Variants in GRK5 observed in about 807,000 individuals in gnomAD.
GRK5 encodes the protein g protein-coupled receptor kinase GRK5.
GRK5 carries 40 observed loss-of-function variants against 78.4 expected under a neutral mutation model. The ratio of observed to expected loss-of-function variants is 0.51; its 90% CI spans 0.40 to 0.66. The LOEUF (loss-of-function observed/expected upper bound fraction) is 0.66, where lower values mean the gene tolerates loss of function less well. Ranked by LOEUF, GRK5 falls within the 30% of genes least tolerant of loss-of-function variation. GRK5 has a pLI of 0.00. For missense variants in GRK5, 598 were observed against 759.9 expected (o/e 0.79, Z 2.50); for synonymous variants, 289 against 296.8 (o/e 0.97, Z 0.27).
chr10:119,317,336 T>TTC (rs1363439878), intron 1 of GRK5, among the ~76,000 whole-genome samples: 1 of 143,598 alleles, frequency 7.0e-6, no homozygotes, highest in Non-Finnish European at 1.5e-5. Context: ...CAAAGAGGCA[T>TTC]TCAGTAGATG....
Position 119,271,170 on chromosome 10 carries a change from T to A in GRK5, c.53-55346T>A, listed in dbSNP as rs1849577549. On this transcript the variant is annotated intron_variant, in intron 1 of 15. Coordinates refer to ENST00000392870, the MANE Select transcript of GRK5 (RefSeq NM_005308.3). The surrounding 1 kb of genome is among the most constrained non-coding windows in gnomAD (Gnocchi z 4.1). ...GGCGCCGGCGCCGTTAGGGAGGGAGTGTTCACCGGAAACCTGCCCGGGCCA... is the reference window on the plus strand; with the variant it reads ...GGCGCCGGCGCCGTTAGGGAGGGAGAGTTCACCGGAAACCTGCCCGGGCCA... Among the ~76,000 whole-genome samples the A allele has an allele frequency of 6.6e-6, 1 of 151,676 alleles. No homozygotes were observed. The highest frequency in any genetic ancestry group is 2.1e-4 in the South Asian group (1 of 4,798).
chr10:119,407,328 CTG>C (rs1160726479), intron 4 of GRK5, among the ~76,000 whole-genome samples: 2 of 152,206 alleles, frequency 1.3e-5, no homozygotes, highest in African/African-American at 4.8e-5. Flanking sequence ...TTCTATAACT[CTG>C]TGCTAGAAAC....
At position 119,436,803 on chromosome 10, in the gene GRK5, C is replaced by T. The variant is rs756240721; in HGVS notation, c.891C>T (p.Cys297=). The change falls in exon 9 of 16, where the codon TGC becomes TGT. Residue 297 remains cysteine (C), a synonymous_variant. Transcript: ENST00000392870. ...TGTTTTATGCGGCAGAGATCCTCTG[C>T]GGCTTAGAAGACCTCCACCGTGAGA... ...RALFYAAEIL[C]GLEDLHRENT... 1.9e-5 allele frequency: 31 copies of T among 1,612,568 alleles called. No homozygotes were observed. The highest frequency in any genetic ancestry group is 2.2e-5 in the East Asian group (1 of 44,846).
At chr10:119,398,999 C>T (rs201879588) in intron 4 of GRK5, among the ~76,000 whole-genome samples, 5 of 120,964 alleles carry the variant, frequency 4.1e-5, no homozygotes, top group African/African-American at 1.3e-4. Context: ...CGGGTTGCCC[C>T]GTGGCCAACC....
chr10:119,458,250 C>A lies in GRK5; in HGVS notation c.*3183C>A, dbSNP rs1853429826. 1 of 152,276 alleles carries A rather than the reference C, an allele frequency of 6.6e-6. No homozygotes were observed. The highest frequency in any genetic ancestry group is 1.5e-5 in the Non-Finnish European group (1 of 68,066). The allele number at this position is 152,276 out of a possible 1,614,324, so 9.4% of individuals were successfully genotyped here. Reference sequence around the variant, plus strand: ...CTGCATCTGCATTTCAGGAGATGAGCTGCTGTCCCTGGTGGACAGAGGCGG... The same window carrying A: ...CTGCATCTGCATTTCAGGAGATGAGATGCTGTCCCTGGTGGACAGAGGCGG... On this transcript the variant is annotated 3_prime_UTR_variant, in exon 16 of 16. Transcript: ENST00000392870.
chr10:119,422,943 C>T (rs1564928934), intron 4 of GRK5, among the ~76,000 whole-genome samples: 1 of 152,258 alleles, frequency 6.6e-6, no homozygotes, highest in Non-Finnish European at 1.5e-5. Flanking sequence ...GGCTCATTCA[C>T]CACCTTCCAG....
At position 119,430,809 on chromosome 10, in the gene GRK5, G is replaced by A. The variant is rs1348482224; in HGVS notation, c.597+371G>A. Among the ~76,000 whole-genome samples the A allele has an allele frequency of 2.0e-5, 3 of 152,122 alleles. No individual in the cohort carries two copies. Among genetic ancestry groups the A allele is most frequent in the Non-Finnish European group, 2.9e-5 (2 of 68,006 alleles). On this transcript the variant is annotated intron_variant, in intron 7 of 15. Coordinates refer to ENST00000392870, the MANE Select transcript of GRK5 (RefSeq NM_005308.3). This position sits in a 1 kb window ranked among gnomAD's most constrained non-coding sequence, Gnocchi z 4.5. ...TGGATGACGCTGTCATGCAAGATTCGAGATTTCGTTGTACATTACCCGATC... is the reference window on the plus strand; with the variant it reads ...TGGATGACGCTGTCATGCAAGATTCAAGATTTCGTTGTACATTACCCGATC...
intron 3 of GRK5, among the ~76,000 whole-genome samples, chr10:119,381,646 C>G (rs1424899274): frequency 6.6e-6 from 1 of 152,212 alleles, no homozygotes; most frequent in Non-Finnish European, 1.5e-5. Flanking sequence ...GCCTGGGCAC[C>G]TCGGTTCAGC....
At chr10:119,236,113 G>A (rs1189230394) in intron 1 of GRK5, among the ~76,000 whole-genome samples, 1 of 152,140 alleles carries the variant, frequency 6.6e-6, no homozygotes, top group Non-Finnish European at 1.5e-5. Context: ...GCTCCTTATT[G>A]TCCTGTAATC....
At chr10:119,369,101 A>G (rs1851501783) in intron 2 of GRK5, among the ~76,000 whole-genome samples, 1 of 152,152 alleles carries the variant, frequency 6.6e-6, no homozygotes, top group African/African-American at 2.4e-5. Context: ...ACTGGACCTT[A>G]CAGTTAATGC....
At chr10:119,259,133 C>T (rs951881337) in intron 1 of GRK5, among the ~76,000 whole-genome samples, 3 of 146,074 alleles carry the variant, frequency 2.1e-5, no homozygotes, top group Non-Finnish European at 4.5e-5. Context: ...GGTGCTATCT[C>T]GGCTCACTGC....
intron 2 of GRK5, among the ~76,000 whole-genome samples, chr10:119,362,437 G>A (rs545849384): frequency 7.9e-5 from 12 of 152,350 alleles, no homozygotes; most frequent in African/African-American, 2.2e-4. Context: ...GTGTTGCCTC[G>A]AGTTCCTGGA....
intron 1 of GRK5, among the ~76,000 whole-genome samples, chr10:119,319,195 G>A (rs1425615513): frequency 2.6e-5 from 4 of 152,092 alleles, no homozygotes; most frequent in Non-Finnish European, 5.9e-5. Flanking sequence ...GGAGGACATC[G>A]CTGGCAGCTG....
chr10:119,314,108 C>G (rs1189381986), intron 1 of GRK5, among the ~76,000 whole-genome samples: 1 of 152,252 alleles, frequency 6.6e-6, no homozygotes, highest in Non-Finnish European at 1.5e-5. Context: ...CTGTAGAGGA[C>G]AGAGCCACTG....
At chr10:119,254,146 G>A (rs547973279) in intron 1 of GRK5, among the ~76,000 whole-genome samples, 61 of 152,234 alleles carry the variant, frequency 4.0e-4, no homozygotes, top group South Asian at 1.2e-3. Flanking sequence ...AATTCTAAGC[G>A]CCTTTGAAAA....
intron 3 of GRK5, among the ~76,000 whole-genome samples, chr10:119,381,385 T>C (rs1851707605): frequency 6.6e-6 from 1 of 152,260 alleles, no homozygotes; most frequent in Admixed American, 6.5e-5. Flanking sequence ...CTGGGCTTCC[T>C]GTTCATACCT....
At chr10:119,413,350 C>A (rs1334621594) in intron 4 of GRK5, among the ~76,000 whole-genome samples, 2 of 151,382 alleles carry the variant, frequency 1.3e-5, no homozygotes, top group Non-Finnish European at 2.9e-5. Flanking sequence ...GGTGGACAGA[C>A]CTGCTATTCT....
chr10:119,255,016 G>A (rs867598961), intron 1 of GRK5, among the ~76,000 whole-genome samples: 36 of 145,452 alleles, frequency 2.5e-4, no homozygotes, highest in African/African-American at 9.1e-4. Flanking sequence ...TCCAGCCTGG[G>A]CGACAGAGCA....
At chr10:119,449,970 G>A (rs1227503046) in intron 13 of GRK5, among the ~76,000 whole-genome samples, 1 of 152,230 alleles carries the variant, frequency 6.6e-6, no homozygotes, top group African/African-American at 2.4e-5. Context: ...GGTAAGACTC[G>A]GGCTTCAGGA....
Sources: gnomAD v4.1 joint callset for allele counts (sites outside exome capture counted in the v4.1 genomes callset) on GRCh38, gnomAD v4.1.1 for gene constraint, Gnocchi (gnomAD v3.1) non-coding constraint, MANE v1.5 for transcripts, NCBI Gene and HGNC (gene_info 2026-07-23, HGNC 2026-07-21) for gene names.